TAX1BP1: variants seen among roughly 807,000 people sequenced by gnomAD.
TAX1BP1 encodes Tax1 binding protein 1.
Under a neutral mutation model 97.7 loss-of-function variants are expected in TAX1BP1, and 62 were observed. The observed-to-expected ratio is 0.63, with a 90% CI of 0.52 to 0.78. TAX1BP1 has a LOEUF of 0.78. Ranked by LOEUF, TAX1BP1 falls within the 30% of genes least tolerant of loss-of-function variation. The pLI is 0.00. For missense variants in TAX1BP1, 867 were observed against 916.1 expected, an observed-to-expected ratio of 0.95 and a Z score of 0.69; for synonymous variants, 340 against 304.2, an observed-to-expected ratio of 1.12 and a Z score of -1.23.
chr7:27,762,894 G>C (rs905464063), intron 3 of TAX1BP1, among the ~76,000 whole-genome samples: 2 of 152,246 alleles, frequency 1.3e-5, no homozygotes, highest in Middle Eastern at 3.4e-3. Context: ...CTGGGGTTGC[G>C]GTGAGCCGAG....
Position 27,785,224 on chromosome 7 carries a change from G to A in TAX1BP1, c.674G>A (p.Ser225Asn), listed in dbSNP as rs2128316083. Residue 225 changes from serine to asparagine, a missense_variant, in exon 6 of 17, where the codon AGT (serine) becomes AAT (asparagine). Around this residue, in one of 3 missense-constraint regions of TAX1BP1, gnomAD observed 822 missense variants for 851.4 expected, o/e 0.97. Transcript: ENST00000396319. ...MENEEFKKRF[S>N]DATSKAHQLE... ...AATGAAGAGTTTAAGAAGAGGTTCA[G>A]TGATGCTACATCCAAAGCCCATCAG... 1.2e-6 allele frequency: 2 copies of A among 1,613,392 alleles called. No homozygotes were observed. The highest frequency in any genetic ancestry group is 4.5e-5 in the East Asian group (2 of 44,782).
At chr7:27,770,807 G>A (rs1391565530) in intron 5 of TAX1BP1, among the ~76,000 whole-genome samples, 3 of 152,020 alleles carry the variant, frequency 2.0e-5, no homozygotes, top group Non-Finnish European at 4.4e-5. Flanking sequence ...TTGAGTTAGA[G>A]GGTAAACATA....
At chr7:27,761,559 T>C (rs572383607) in intron 3 of TAX1BP1, among the ~76,000 whole-genome samples, 1 of 152,342 alleles carries the variant, frequency 6.6e-6, no homozygotes, top group South Asian at 2.1e-4. Flanking sequence ...TGCCGTAAAA[T>C]GTCATAGAGT....
At chr7:27,746,040 T>G (rs1454608025) in intron 1 of TAX1BP1, among the ~76,000 whole-genome samples, 1 of 152,052 alleles carries the variant, frequency 6.6e-6, no homozygotes, top group African/African-American at 2.4e-5. Flanking sequence ...ACTGTTATAA[T>G]TGAGGTTAAC....
chr7:27,746,911 A>T (rs1202859265), intron 1 of TAX1BP1, among the ~76,000 whole-genome samples: 2 of 152,230 alleles, frequency 1.3e-5, no homozygotes, highest in African/African-American at 4.8e-5. Context: ...TAAAGTGCTT[A>T]TTATTACAAA....
At chr7:27,772,281 C>T (rs1047259956) in intron 5 of TAX1BP1, 2 of 151,886 alleles carry the variant, frequency 1.3e-5, no homozygotes, top group Non-Finnish European at 2.9e-5. Context: ...AAATCTGTGA[C>T]ATTTCTTGGC....
intron 13 of TAX1BP1, among the ~76,000 whole-genome samples, chr7:27,809,256 G>T (rs1790459891): frequency 6.6e-6 from 1 of 152,120 alleles, no homozygotes; most frequent in African/African-American, 2.4e-5. Context: ...AAGTGGTGAT[G>T]AATATAAAGG....
At chr7:27,811,754 C>T (rs1001164186) in intron 13 of TAX1BP1, among the ~76,000 whole-genome samples, 2 of 152,126 alleles carry the variant, frequency 1.3e-5, no homozygotes, top group African/African-American at 2.4e-5. Context: ...TGCTCATTTG[C>T]ATTCGTCCCC....
intron 13 of TAX1BP1, among the ~76,000 whole-genome samples, chr7:27,813,279 C>T (rs1790631921): frequency 6.6e-6 from 1 of 151,472 alleles, no homozygotes; most frequent in Non-Finnish European, 1.5e-5. Context: ...CCTGCCTCAG[C>T]CTCTGAAATA....
At chr7:27,822,612 G>A (rs1256203696) in intron 15 of TAX1BP1, among the ~76,000 whole-genome samples, 1 of 152,142 alleles carries the variant, frequency 6.6e-6, no homozygotes, top group Non-Finnish European at 1.5e-5. Flanking sequence ...ATGATGTTAA[G>A]CATCTTTCAT....
chr7:27,746,890 T>C (rs1055703006), intron 1 of TAX1BP1, among the ~76,000 whole-genome samples: 3 of 152,196 alleles, frequency 2.0e-5, no homozygotes, highest in Non-Finnish European at 4.4e-5. Context: ...AAGAAGAAAG[T>C]TGATATTTTT....
intron 3 of TAX1BP1, among the ~76,000 whole-genome samples, chr7:27,760,398 T>TC (rs1411177980): frequency 1.1e-4 from 17 of 151,092 alleles, no homozygotes; most frequent in Non-Finnish European, 1.6e-4. Context: ...TTTTAGAATT[T>TC]TTTTTTTTTT....
chr7:27,778,307 G>C (rs1219264468), intron 5 of TAX1BP1, among the ~76,000 whole-genome samples: 1 of 152,040 alleles, frequency 6.6e-6, no homozygotes, highest in Non-Finnish European at 1.5e-5. Flanking sequence ...TTTATATTTT[G>C]TACAAGTGTC....
chr7:27,743,272 C>T (rs17685046), intron 1 of TAX1BP1, among the ~76,000 whole-genome samples: 55,219 of 152,042 alleles, frequency 0.36, 10,808 homozygotes, highest in East Asian at 0.65. Flanking sequence ...TTGCTGATTA[C>T]ATTTTTTGGG....
chr7:27,743,082 G>A (rs943650789), intron 1 of TAX1BP1, among the ~76,000 whole-genome samples: 2 of 151,894 alleles, frequency 1.3e-5, no homozygotes, highest in African/African-American at 4.8e-5. Flanking sequence ...AATATGTGTG[G>A]GCCAATATCA....
Position 27,748,183 on chromosome 7 carries a change from C to T in TAX1BP1, c.-7-335C>T, listed in dbSNP as rs1469696506. ...GGAGCCAGCAGGTTTATATTGGCAG[C>T]GTGTGCACAAAAACACCTCTGGTTC... On this transcript the variant is annotated intron_variant, in intron 1 of 16. Transcript: ENST00000396319. Among the ~76,000 whole-genome samples, 4 of 152,180 alleles carry T rather than the reference C, an allele frequency of 2.6e-5. No individual in the cohort carries two copies. The East Asian group carries it at 5.8e-4, about 22-fold the overall frequency.
At chr7:27,773,815 C>T (rs1014944597) in intron 5 of TAX1BP1, among the ~76,000 whole-genome samples, 2 of 151,982 alleles carry the variant, frequency 1.3e-5, no homozygotes, top group African/African-American at 4.8e-5. Flanking sequence ...CTCAGAGAAC[C>T]AGTGATTTTG....
In TAX1BP1 at chr7:27,829,282, G is replaced by A. The variant is rs1036415449; in HGVS notation, c.*453G>A. 6.6e-6 allele frequency: 1 copy of A among 152,548 alleles called. No individual in the cohort carries two copies. The highest frequency in any genetic ancestry group is 1.5e-5 in the Non-Finnish European group (1 of 68,358). 9.4% of individuals were successfully genotyped at this position (152,548 alleles called of 1,614,324 possible). A position where few individuals can be genotyped will look rare whatever the true frequency, so the allele number is the denominator to read the frequency against. On this transcript the variant is annotated 3_prime_UTR_variant, in exon 17 of 17. Transcript: ENST00000396319. ...TAACAGTCTTATGAAGTAGTTCTTC[G>A]AATATAGAAAGTTCTATAATTTAGC...
chr7:27,813,316 CCTGG>C (rs1289542358), intron 13 of TAX1BP1, among the ~76,000 whole-genome samples: 1 of 151,654 alleles, frequency 6.6e-6, no homozygotes, highest in Non-Finnish European at 1.5e-5. Context: ...TGCCACTGTA[CCTGG>C]CTAAATTTTT....
Sources: gnomAD v4.1 joint callset for allele counts (sites outside exome capture counted in the v4.1 genomes callset) on GRCh38, gnomAD v4.1.1 for gene constraint, gnomAD v4.1.1 regional missense constraint, MANE v1.5 for transcripts, NCBI Gene and HGNC (gene_info 2026-07-23, HGNC 2026-07-21) for gene names.